TENM4: variants seen among roughly 807,000 people sequenced by gnomAD.
The protein encoded by TENM4 is teneurin transmembrane protein 4.
TENM4 carries 82 observed loss-of-function variants against 243.3 expected under a neutral mutation model. That is an observed-to-expected ratio of 0.34 (90% CI 0.28 to 0.40). The LOEUF is 0.40. TENM4 is among the 10% of genes least tolerant of loss of function. The pLI is 1.00. For synonymous variants in TENM4, 1,412 were observed against 1,456.3 expected (o/e 0.97, Z 0.69); for missense variants, 3,138 against 3,673.3 (o/e 0.85, Z 3.77).
intron 25 of TENM4, among the ~76,000 whole-genome samples, chr11:78,715,473 C>T (rs914688138): frequency 1.3e-5 from 2 of 152,144 alleles, no homozygotes; most frequent in African/African-American, 4.8e-5. Context: ...CTGCACTGCT[C>T]CAGAGAAGTG....
At chr11:79,111,098 G>C (rs904865892) in intron 4 of TENM4, among the ~76,000 whole-genome samples, 1 of 152,178 alleles carries the variant, frequency 6.6e-6, no homozygotes, top group Non-Finnish European at 1.5e-5. Flanking sequence ...TCTCATGGCA[G>C]TGAGTAAGTC....
At chr11:79,019,172 T>A (rs1309498191) in intron 6 of TENM4, among the ~76,000 whole-genome samples, 1 of 152,232 alleles carries the variant, frequency 6.6e-6, no homozygotes, top group Non-Finnish European at 1.5e-5. Flanking sequence ...ATTGCCTGTT[T>A]GTACTGAAGA....
At chr11:78,891,689 A>C (rs1335061061) in intron 7 of TENM4, among the ~76,000 whole-genome samples, 1 of 152,134 alleles carries the variant, frequency 6.6e-6, no homozygotes, top group East Asian at 1.9e-4. Flanking sequence ...TCCTCATTCT[A>C]CAGGTGAGGA....
At chr11:78,717,112 A>C (rs1338479165) in intron 25 of TENM4, among the ~76,000 whole-genome samples, 1 of 152,190 alleles carries the variant, frequency 6.6e-6, no homozygotes, top group Non-Finnish European at 1.5e-5. Flanking sequence ...AAGGACCCAC[A>C]TTCTCTTCCA....
intron 1 of TENM4, among the ~76,000 whole-genome samples, chr11:79,304,500 C>G (rs1185167234): frequency 6.6e-6 from 1 of 152,152 alleles, no homozygotes; most frequent in Non-Finnish European, 1.5e-5. Context: ...GATTTTTCCC[C>G]CTGGACATCC....
intron 4 of TENM4, among the ~76,000 whole-genome samples, chr11:79,089,028 C>T (rs11237714): frequency 0.059 from 8,933 of 152,164 alleles, 370 homozygotes; most frequent in East Asian, 0.24. Flanking sequence ...GGGTCTGGAG[C>T]GGGAAAATGT....
chr11:79,123,137 A>G (rs1016207614), intron 4 of TENM4, among the ~76,000 whole-genome samples: 6 of 152,178 alleles, frequency 3.9e-5, no homozygotes, highest in African/African-American at 1.4e-4. Context: ...AGACCCTGGG[A>G]GGTAAACACT....
chr11:78,687,302 CAGAACT>C (rs753523764), intron 29 of TENM4, among the ~76,000 whole-genome samples: 4 of 152,144 alleles, frequency 2.6e-5, no homozygotes, highest in Non-Finnish European at 4.4e-5. Flanking sequence ...GTGGCAGAGT[CAGAACT>C]AGAACTTGGG....
intron 2 of TENM4, among the ~76,000 whole-genome samples, chr11:79,278,771 A>G (rs1460220365): frequency 6.6e-6 from 1 of 152,170 alleles, no homozygotes; most frequent in Non-Finnish European, 1.5e-5. Context: ...TGCGGCTCCC[A>G]AGTGGTGCTG....
intron 17 of TENM4, among the ~76,000 whole-genome samples, chr11:78,776,357 C>T (rs1286616389): frequency 6.6e-6 from 1 of 152,174 alleles, no homozygotes; most frequent in Non-Finnish European, 1.5e-5. Flanking sequence ...TGTCATAACC[C>T]TCATCACACT....
intron 1 of TENM4, among the ~76,000 whole-genome samples, chr11:79,340,466 G>A (rs1331585907): frequency 6.6e-6 from 1 of 152,126 alleles, no homozygotes; most frequent in Non-Finnish European, 1.5e-5. Flanking sequence ...TGATACTCTT[G>A]AGGCTGGCTG....
At chr11:78,991,069 TG>T (rs1858031266) in intron 6 of TENM4, among the ~76,000 whole-genome samples, 1 of 151,980 alleles carries the variant, frequency 6.6e-6, no homozygotes, top group South Asian at 2.1e-4. Flanking sequence ...AGATGGCGCA[TG>T]GGGTGTCTGC....
intron 12 of TENM4, among the ~76,000 whole-genome samples, chr11:78,819,491 G>T (rs1857679901): frequency 6.6e-6 from 1 of 152,180 alleles, no homozygotes; most frequent in Non-Finnish European, 1.5e-5. Flanking sequence ...TCTCACAGGG[G>T]CAGTAATATC....
intron 18 of TENM4, among the ~76,000 whole-genome samples, chr11:78,766,887 A>G (rs553763889): frequency 6.6e-6 from 1 of 151,998 alleles, no homozygotes; most frequent in Admixed American, 6.6e-5. Flanking sequence ...CATTTTTAGT[A>G]CAGATGGGGT....
Position 79,172,796 on chromosome 11 carries a change from G to A in TENM4, c.-162-23990C>T, listed in dbSNP as rs541513469. 7.3e-5 allele frequency among the ~76,000 whole-genome samples: 11 copies of A among 151,102 alleles called. No individual in the cohort carries two copies. The East Asian group carries it at 2.2e-3, about 30-fold the overall frequency. On this transcript the variant is annotated intron_variant, in intron 3 of 33. Coordinates refer to ENST00000278550, the MANE Select transcript of TENM4 (RefSeq NM_001098816.3). ...TGGGATTACAAGTGTGCACCACCAC[G>A]CCCAGCTAAATTTTTTGTATTTTTA... is the stretch of plus-strand genomic sequence containing the variant.
At chr11:79,164,965 G>A (rs908594747) in intron 3 of TENM4, among the ~76,000 whole-genome samples, 2,322 of 144,844 alleles carry the variant, frequency 0.016, 52 homozygotes, top group African/African-American at 0.057. Flanking sequence ...ATATGTGTGT[G>A]TGTGTGTGTG....
At chr11:78,867,707 T>C (rs1200583790) in intron 9 of TENM4, among the ~76,000 whole-genome samples, 1 of 152,234 alleles carries the variant, frequency 6.6e-6, no homozygotes, top group Non-Finnish European at 1.5e-5. Flanking sequence ...TTCAGTTTCA[T>C]ACTTATATAA....
chr11:79,434,377 T>C (rs1233643977), intron 1 of TENM4, among the ~76,000 whole-genome samples: 2 of 152,042 alleles, frequency 1.3e-5, no homozygotes, highest in Admixed American at 6.6e-5. Context: ...TTAAGGCCTC[T>C]GAACCAAAGG....
intron 1 of TENM4, among the ~76,000 whole-genome samples, chr11:79,356,337 G>T (rs1007443917): frequency 6.6e-6 from 1 of 152,180 alleles, no homozygotes; most frequent in Non-Finnish European, 1.5e-5. Flanking sequence ...ACTAAGAAGG[G>T]ATACTAATTG....
Sources: gnomAD v4.1 joint callset for allele counts (sites outside exome capture counted in the v4.1 genomes callset) on GRCh38, gnomAD v4.1.1 for gene constraint, MANE v1.5 for transcripts, NCBI Gene and HGNC (gene_info 2026-07-23, HGNC 2026-07-21) for gene names.